Variants in CA10 observed in about 807,000 individuals in gnomAD.
CA10 encodes the protein carbonic anhydrase 10 (inactive), also known as carbonic anhydrase-related protein 10.
In CA10, 14 loss-of-function variants were observed where a neutral mutation model predicts 44.2. That is an observed-to-expected ratio of 0.32 (90% CI 0.21 to 0.50). CA10 has a LOEUF of 0.50. Ranked by LOEUF, CA10 falls within the 20% of genes least tolerant of loss-of-function variation. CA10 has a pLI of 0.99. For missense variants in CA10, 350 were observed against 409.7 expected (o/e 0.85, Z 1.26); for synonymous variants, 159 against 141.6 (o/e 1.12, Z -0.87).
At chr17:52,095,338 G>C (rs771280360) in intron 1 of CA10, among the ~76,000 whole-genome samples, 69 of 152,050 alleles carry the variant, frequency 4.5e-4, no homozygotes, top group Non-Finnish European at 8.8e-4. Context: ...GTAATTGACT[G>C]GGAAGGGATG....
intron 3 of CA10, among the ~76,000 whole-genome samples, chr17:51,831,734 A>AGCAGCAGCAGCAGC (rs1555604086): frequency 1.4e-5 from 2 of 145,884 alleles, no homozygotes; most frequent in South Asian, 2.3e-4. Flanking sequence ...CAGCAGCAGA[A>AGCAGCAGCAGCAGC]AAAGACCTTC....
At chr17:51,707,904 T>C (rs2143481001) in intron 4 of CA10, among the ~76,000 whole-genome samples, 1 of 152,230 alleles carries the variant, frequency 6.6e-6, no homozygotes, top group South Asian at 2.1e-4. Flanking sequence ...TTGGGACACA[T>C]GTTGGTCAAA....
At chr17:51,921,862 GA>G (rs1982247140) in intron 3 of CA10, among the ~76,000 whole-genome samples, 1 of 152,198 alleles carries the variant, frequency 6.6e-6, no homozygotes, top group Non-Finnish European at 1.5e-5. Context: ...AGTTTGAGAG[GA>G]AAGTTTTATC....
At chr17:51,808,628 A>C (rs559493811) in intron 3 of CA10, among the ~76,000 whole-genome samples, 1 of 152,340 alleles carries the variant, frequency 6.6e-6, no homozygotes, top group East Asian at 1.9e-4. Flanking sequence ...CAAGTGAACT[A>C]TAATGCATCT....
intron 4 of CA10, 27 bp downstream of exon 4, chr17:51,747,606 C>A (rs181797423): frequency 6.3e-7 from 1 of 1,577,428 alleles, no homozygotes; most frequent in Admixed American, 1.8e-5. Flanking sequence ...TGACATTTAA[C>A]CTTAGTACTT....
chr17:52,020,031 TCTTCA>T (rs1986087278), intron 2 of CA10, among the ~76,000 whole-genome samples: 1 of 152,038 alleles, frequency 6.6e-6, no homozygotes, highest in Non-Finnish European at 1.5e-5. Flanking sequence ...ATTGCTCTAT[TCTTCA>T]CTTAGTTTTG....
chr17:52,136,532 C>A (rs569408108), intron 1 of CA10, among the ~76,000 whole-genome samples: 1 of 152,150 alleles, frequency 6.6e-6, no homozygotes, highest in Non-Finnish European at 1.5e-5. Context: ...AGGAATCCTA[C>A]GCACCCTAAC....
intron 3 of CA10, among the ~76,000 whole-genome samples, chr17:51,865,789 G>A (rs1004605794): frequency 6.6e-6 from 1 of 152,140 alleles, no homozygotes; most frequent in African/African-American, 2.4e-5. Context: ...CATCTATGAT[G>A]TTAGGCTGCC....
intron 4 of CA10, 50 bp from the exon 5 acceptor site, chr17:51,653,786 G>A (rs371904327): frequency 1.8e-6 from 2 of 1,098,496 alleles, no homozygotes; most frequent in Non-Finnish European, 2.8e-6. Context: ...ACATTAAAAG[G>A]TATGAGGCAT....
chr17:51,801,829 C>T (rs765329795), intron 3 of CA10, among the ~76,000 whole-genome samples: 11 of 152,162 alleles, frequency 7.2e-5, no homozygotes, highest in Admixed American at 2.6e-4. Flanking sequence ...GATCATGGTG[C>T]GTAAGTTGTG....
At chr17:51,952,293 G>A (rs554456081) in intron 2 of CA10, among the ~76,000 whole-genome samples, 1 of 152,124 alleles carries the variant, frequency 6.6e-6, no homozygotes, top group Non-Finnish European at 1.5e-5. Context: ...CAGTTCTGGA[G>A]AGAGTTCTCA....
chr17:51,957,071 C>T (rs993850554), intron 2 of CA10, among the ~76,000 whole-genome samples: 3 of 152,066 alleles, frequency 2.0e-5, no homozygotes, highest in Non-Finnish European at 4.4e-5. Flanking sequence ...AACTCTTTTA[C>T]AAAAAATATG....
chr17:51,860,830 T>C (rs1979269355), intron 3 of CA10, among the ~76,000 whole-genome samples: 1 of 152,126 alleles, frequency 6.6e-6, no homozygotes, highest in East Asian at 1.9e-4. Flanking sequence ...CCAGCAGCCA[T>C]CTTGATACAC....
At chr17:52,002,580 A>G (rs1985462273) in intron 2 of CA10, among the ~76,000 whole-genome samples, 1 of 151,988 alleles carries the variant, frequency 6.6e-6, no homozygotes, top group Non-Finnish European at 1.5e-5. Flanking sequence ...AAAATAAATA[A>G]TGAGCATGCA....
At chr17:51,877,667 G>C (rs1156656929) in intron 3 of CA10, among the ~76,000 whole-genome samples, 1 of 152,068 alleles carries the variant, frequency 6.6e-6, no homozygotes, top group Non-Finnish European at 1.5e-5. Flanking sequence ...AGGTTCAAGG[G>C]GGTAGCATCA....
intron 4 of CA10, among the ~76,000 whole-genome samples, chr17:51,664,898 C>T (rs942133566): frequency 2.0e-5 from 3 of 152,178 alleles, no homozygotes; most frequent in Admixed American, 6.5e-5. Context: ...CTCTCAGTAC[C>T]TGCAGTAGAT....
intron 1 of CA10, among the ~76,000 whole-genome samples, chr17:52,155,984 G>C (rs1989796184): frequency 6.6e-6 from 1 of 152,086 alleles, no homozygotes; most frequent in Non-Finnish European, 1.5e-5. Flanking sequence ...TTCTCAGCCT[G>C]TTCCCCTCGG....
intron 3 of CA10, among the ~76,000 whole-genome samples, chr17:51,766,477 G>T (rs1191942795): frequency 6.6e-6 from 1 of 152,084 alleles, no homozygotes; most frequent in Admixed American, 6.5e-5. Flanking sequence ...CAGCTCCTGG[G>T]GTCAGGTTCA....
At chr17:51,960,094 G>A (rs1445336305) in intron 2 of CA10, among the ~76,000 whole-genome samples, 5 of 151,428 alleles carry the variant, frequency 3.3e-5, no homozygotes, top group East Asian at 1.9e-4. Context: ...ATATAAACAC[G>A]AAGTAAATAT....
Sources: allele counts gnomAD v4.1 joint callset (sites outside exome capture counted in the v4.1 genomes callset), GRCh38; gene constraint gnomAD v4.1.1; transcripts MANE v1.5; gene names NCBI Gene and HGNC (gene_info 2026-07-23, HGNC 2026-07-21).